The following ADAM22 variants were observed in gnomAD, a reference collection of about 807,000 sequenced individuals.
ADAM22 encodes ADAM metallopeptidase domain 22.
ADAM22 carries 65 observed loss-of-function variants against 144.6 expected under a neutral mutation model. The ratio of observed to expected loss-of-function variants is 0.45; its 90% CI spans 0.37 to 0.55. The LOEUF (loss-of-function observed/expected upper bound fraction) is 0.55. ADAM22 is among the 20% of genes least tolerant of loss of function. The pLI, the probability that ADAM22 is intolerant of heterozygous loss-of-function variation, is 0.00. For synonymous variants in ADAM22, 391 were observed against 412.6 expected, an observed-to-expected ratio of 0.95 and a Z score of 0.63; for missense variants, 974 against 1,184.9, an observed-to-expected ratio of 0.82 and a Z score of 2.61.
chr7:88,077,851 C>A (rs530845298), intron 4 of ADAM22, among the ~76,000 whole-genome samples: 1 of 152,206 alleles, frequency 6.6e-6, no homozygotes, highest in Non-Finnish European at 1.5e-5. Flanking sequence ...CCCAGAAGCT[C>A]GAACTGGGTG....
At chr7:88,123,427 T>TA (rs1279579333) in intron 7 of ADAM22, among the ~76,000 whole-genome samples, 4 of 152,070 alleles carry the variant, frequency 2.6e-5, no homozygotes, top group Admixed American at 2.0e-4. Flanking sequence ...ATTTAATAGA[T>TA]ACAGGATTAT....
At chr7:88,160,767 A>G (rs1420718183) in intron 22 of ADAM22, among the ~76,000 whole-genome samples, 1 of 152,190 alleles carries the variant, frequency 6.6e-6, no homozygotes, top group East Asian at 1.9e-4. Flanking sequence ...CATATACACC[A>G]TGGAATACTA....
At position 88,202,085 on chromosome 7, in the gene ADAM22, TTATATA is replaced by T. The variant is rs1240284087; in HGVS notation, c.*5596_*5601del. On this transcript the variant is annotated 3_prime_UTR_variant, in exon 32 of 32. Transcript: ENST00000413139. ...TAATAATACAAAAGTTCCTGCTAAA[TTATATA>T]TGTGTATCACTGCCTGACTAGAAAC... 6.6e-6 allele frequency: 1 copy of T among 152,192 alleles called. No individual in the cohort carries two copies. Among genetic ancestry groups the T allele is most frequent in the South Asian group, 2.1e-4 (1 of 4,828 alleles). 9.4% of individuals were successfully genotyped at this position (152,192 alleles called of 1,614,324 possible).
At chr7:87,979,702 TA>T (rs1477214589) in intron 3 of ADAM22, among the ~76,000 whole-genome samples, 1 of 152,132 alleles carries the variant, frequency 6.6e-6, no homozygotes, top group Admixed American at 6.6e-5. Context: ...ATATAGGGGT[TA>T]AACTCCAGGC....
At chr7:88,060,508 C>T (rs996502673) in intron 3 of ADAM22, among the ~76,000 whole-genome samples, 11 of 151,894 alleles carry the variant, frequency 7.2e-5, no homozygotes, top group African/African-American at 1.5e-4. Flanking sequence ...CAGTGGCTCA[C>T]GCCTGTAATC....
Position 88,149,115 on chromosome 7 carries a change from G to A in ADAM22, c.1566+58G>A. ...GGGAAAAAGTGGGGGTATCTTTAGT[G>A]CACTGACCCTCAAAGAGAAATGTAA... On this transcript the variant is annotated intron_variant, in intron 18 of 31. Coordinates refer to ENST00000413139, the MANE Select transcript of ADAM22 (RefSeq NM_001324418.2). 1.7e-6 allele frequency: 2 copies of A among 1,161,500 alleles called. 1 individual carries two copies. The highest frequency in any genetic ancestry group is 2.6e-5 in the South Asian group (2 of 77,954). The allele number at this position is 1,161,500 out of a possible 1,614,324, so 71.9% of individuals were successfully genotyped here. A position where few individuals can be genotyped will look rare whatever the true frequency, so the allele number is the denominator to read the frequency against.
Position 87,988,395 on chromosome 7 carries a change from A to T in ADAM22, c.323+9983A>T, listed in dbSNP as rs192904905. Among the ~76,000 whole-genome samples, 345 of 152,318 alleles carry T rather than the reference A, an allele frequency of 2.3e-3. 3 individuals are homozygous for T. Among genetic ancestry groups the T allele is most frequent in the African/African-American group, 7.8e-3 (322 of 41,544 alleles). On this transcript the variant is annotated intron_variant, in intron 3 of 31. Coordinates refer to ENST00000413139, the MANE Select transcript of ADAM22 (RefSeq NM_001324418.2). ...AAAGGCACTGTGATGCACCTCTGTG[A>T]GGACTGTGCTGTAACAACCACATGT...
At chr7:88,190,646 G>A (rs1407589618) in intron 30 of ADAM22, among the ~76,000 whole-genome samples, 1 of 152,192 alleles carries the variant, frequency 6.6e-6, no homozygotes, top group Non-Finnish European at 1.5e-5. Context: ...TTAAGTGAAA[G>A]CCAGGCTGGA....
At chr7:88,150,326 A>G (rs111794973) in intron 18 of ADAM22, among the ~76,000 whole-genome samples, 8 of 152,200 alleles carry the variant, frequency 5.3e-5, no homozygotes, top group African/African-American at 1.9e-4. Flanking sequence ...GCAAAATGGC[A>G]CATGATATCA....
At chr7:87,967,412 C>T (rs1849387212) in intron 2 of ADAM22, among the ~76,000 whole-genome samples, 1 of 152,058 alleles carries the variant, frequency 6.6e-6, no homozygotes, top group Non-Finnish European at 1.5e-5. Flanking sequence ...TGCTTGAGCT[C>T]AGGACTTTGA....
chr7:87,975,347 A>G (rs908384068), intron 2 of ADAM22, among the ~76,000 whole-genome samples: 10 of 152,326 alleles, frequency 6.6e-5, no homozygotes, highest in Middle Eastern at 3.4e-3. Context: ...GAGCAGAAAC[A>G]TGATCAGTTT....
chr7:88,179,892 T>G (rs1451811971), intron 27 of ADAM22, among the ~76,000 whole-genome samples: 3 of 152,102 alleles, frequency 2.0e-5, no homozygotes, highest in Admixed American at 1.3e-4. Context: ...AAGAGTATAA[T>G]GGACAGGAAA....
chr7:87,949,638 A>G (rs942444204), intron 2 of ADAM22, among the ~76,000 whole-genome samples: 2 of 151,866 alleles, frequency 1.3e-5, no homozygotes, highest in East Asian at 1.9e-4. Context: ...TTCCCTTACT[A>G]TTTATTTTTA....
intron 3 of ADAM22, among the ~76,000 whole-genome samples, chr7:88,047,583 G>A (rs1308858118): frequency 1.3e-5 from 2 of 152,022 alleles, no homozygotes; most frequent in East Asian, 3.8e-4. Context: ...GAGCACACAG[G>A]CATGTTTTGG....
intron 14 of ADAM22, among the ~76,000 whole-genome samples, chr7:88,137,975 G>A (rs1373100327): frequency 6.6e-6 from 1 of 152,114 alleles, no homozygotes; most frequent in Admixed American, 6.5e-5. Flanking sequence ...GCAACATGGT[G>A]AAACTACATC....
chr7:88,062,191 G>A (rs147685878), intron 3 of ADAM22, among the ~76,000 whole-genome samples: 86 of 140,708 alleles, frequency 6.1e-4, no homozygotes, highest in African/African-American at 2.1e-3. Flanking sequence ...TCTCTGGCTA[G>A]GAAAGTCCTA....
intron 4 of ADAM22, among the ~76,000 whole-genome samples, 178 bp downstream of exon 4, chr7:88,075,870 G>A (rs1276430374): frequency 6.6e-6 from 1 of 152,106 alleles, no homozygotes. Flanking sequence ...TTAGTTATCA[G>A]AAAAAGAATT....
At chr7:88,131,607 A>T (rs1831793373) in intron 11 of ADAM22, 172 bp downstream of exon 11, 2 of 587,252 alleles carry the variant, frequency 3.4e-6, no homozygotes. Context: ...TGCCATGAAA[A>T]TGTAAAAGTT....
At chr7:88,168,097 T>C in intron 24 of ADAM22, 40 bp from the exon 25 acceptor site, 1 of 1,567,260 alleles carries the variant, frequency 6.4e-7, no homozygotes, top group South Asian at 1.1e-5. Context: ...GAAAGGATTT[T>C]ATACCACTGA....
Sources: gnomAD v4.1 joint callset for allele counts (sites outside exome capture counted in the v4.1 genomes callset) on GRCh38, gnomAD v4.1.1 for gene constraint, MANE v1.5 for transcripts, NCBI Gene and HGNC (gene_info 2026-07-23, HGNC 2026-07-21) for gene names.